The following ATP9B variants were observed in gnomAD, a reference collection of about 807,000 sequenced individuals.
The protein encoded by ATP9B is ATPase phospholipid transporting 9B.
ATP9B carries 110 observed loss-of-function variants against 146.1 expected under a neutral mutation model. The ratio of observed to expected loss-of-function variants is 0.75; its 90% CI spans 0.65 to 0.88. The LOEUF (loss-of-function observed/expected upper bound fraction) is 0.88. Ranked by LOEUF, ATP9B falls within the 40% of genes least tolerant of loss-of-function variation. The pLI, the probability that ATP9B is intolerant of heterozygous loss-of-function variation, is 0.00. For synonymous variants in ATP9B, 604 were observed against 569.7 expected (o/e 1.06, Z -0.86); for missense variants, 1,499 against 1,496.4 (o/e 1.00, Z -0.03).
At chr18:79,292,410 C>T (rs945994956) in intron 13 of ATP9B, among the ~76,000 whole-genome samples, 2 of 152,154 alleles carry the variant, frequency 1.3e-5, no homozygotes, top group African/African-American at 2.4e-5. Flanking sequence ...ATGCTAACAA[C>T]GAACCATCCA....
intron 10 of ATP9B, among the ~76,000 whole-genome samples, chr18:79,209,913 G>C (rs1472344602): frequency 1.3e-5 from 2 of 152,158 alleles, no homozygotes; most frequent in African/African-American, 4.8e-5. Flanking sequence ...AGGCACTCTT[G>C]TATTCTTTGT....
chr18:79,179,686 A>T lies in ATP9B; in HGVS notation c.873+2779A>T, dbSNP rs932440678. 4.6e-5 allele frequency among the ~76,000 whole-genome samples: 7 copies of T among 152,210 alleles called. No individual in the cohort carries two copies. In the South Asian group the frequency reaches 1.5e-3, roughly 32 times the overall value. ...GTTCTATTTCAGTCCTTTCATATGT[A>T]TTGAAACTTGTGATATGGCCCAGCA... On this transcript the variant is annotated intron_variant, in intron 8 of 29. Transcript: ENST00000426216.
chr18:79,100,030 C>T (rs1275171965), intron 2 of ATP9B, among the ~76,000 whole-genome samples: 1 of 152,040 alleles, frequency 6.6e-6, no homozygotes, highest in African/African-American at 2.4e-5. Context: ...GAGGCTGAGG[C>T]ACAGGAGAAT....
chr18:79,177,692 A>T (rs572828080), intron 8 of ATP9B, among the ~76,000 whole-genome samples: 124 of 95,592 alleles, frequency 1.3e-3, no homozygotes, highest in Admixed American at 3.3e-3. Flanking sequence ...TCTGTTTTTA[A>T]TTTTCACTTA....
At chr18:79,139,777 C>G (rs139493647) in intron 5 of ATP9B, among the ~76,000 whole-genome samples, 200 of 152,266 alleles carry the variant, frequency 1.3e-3, no homozygotes, top group African/African-American at 4.7e-3. Context: ...TTCATTCTTT[C>G]TATTTTTCAT....
chr18:79,352,937 G>A (rs570680055), intron 25 of ATP9B: 2 of 152,214 alleles, frequency 1.3e-5, no homozygotes, highest in East Asian at 3.8e-4. Flanking sequence ...TCAACTCAAC[G>A]ATCAGACAGA....
At chr18:79,197,174 G>A (rs189321435) in intron 9 of ATP9B, among the ~76,000 whole-genome samples, 64 of 152,232 alleles carry the variant, frequency 4.2e-4, no homozygotes, top group Non-Finnish European at 7.8e-4. Context: ...AACAAAATCA[G>A]TGAATGAAAC....
chr18:79,308,831 C>T (rs1231599356), intron 15 of ATP9B, among the ~76,000 whole-genome samples: 5 of 125,770 alleles, frequency 4.0e-5, no homozygotes, highest in South Asian at 2.9e-4. Context: ...AGGAGTGATC[C>T]CCAGCAGGTA....
At chr18:79,176,990 A>T in intron 8 of ATP9B, 83 bp downstream of exon 8, 1 of 1,091,164 alleles carries the variant, frequency 9.2e-7, no homozygotes, top group Non-Finnish European at 1.3e-6. Context: ...TATACCAGCT[A>T]ATTTATTTAA....
chr18:79,220,596 G>A (rs1168572954), intron 11 of ATP9B, among the ~76,000 whole-genome samples: 1 of 152,048 alleles, frequency 6.6e-6, no homozygotes, highest in Non-Finnish European at 1.5e-5. Context: ...GTGAGACCCT[G>A]TCTCATTAAG....
intron 11 of ATP9B, among the ~76,000 whole-genome samples, chr18:79,229,857 CTG>C (rs1453243079): frequency 6.6e-5 from 10 of 152,054 alleles, no homozygotes; most frequent in Admixed American, 5.9e-4. Flanking sequence ...TTTAAAGTAT[CTG>C]TGTTACTTGT....
At chr18:79,305,345 G>A (rs578048924) in intron 14 of ATP9B, among the ~76,000 whole-genome samples, 7 of 152,088 alleles carry the variant, frequency 4.6e-5, no homozygotes, top group African/African-American at 1.7e-4. Flanking sequence ...CTTTACTGTC[G>A]GCATGCTGTC....
Position 79,283,601 on chromosome 18 carries a change from A to G in ATP9B, c.1411+6405A>G, listed in dbSNP as rs765186724. On this transcript the variant is annotated intron_variant, in intron 13 of 29. Transcript: ENST00000426216. ...ATAATTAGGTTTGATTGGAGTGCAC[A>G]TTTCCGGTAAGATCTGAAATTAATG... Among the ~76,000 whole-genome samples, 92 of 152,354 alleles carry G rather than the reference A, an allele frequency of 6.0e-4. No individual in the cohort carries two copies. The Middle Eastern group carries it at 0.01, about 17-fold the overall frequency.
intron 10 of ATP9B, among the ~76,000 whole-genome samples, chr18:79,210,791 C>A (rs961804114): frequency 6.6e-6 from 1 of 152,142 alleles, no homozygotes; most frequent in African/African-American, 2.4e-5. Flanking sequence ...TGTGGCCCTG[C>A]CTGCTTTTGC....
At position 79,271,605 on chromosome 18, in the gene ATP9B, A is replaced by G. The variant is rs1490726741; in HGVS notation, c.1269-5449A>G. Among the ~76,000 whole-genome samples, 3 of 152,212 alleles carry G rather than the reference A, an allele frequency of 2.0e-5. No individual in the cohort carries two copies. In the East Asian group the frequency reaches 5.8e-4, roughly 29 times the overall value. Reference sequence around the variant, plus strand: ...ATGGCTGCATAGTATTCCATGGTGTATATGTGCCACATTTTCTTAATCCAG... The same window carrying G: ...ATGGCTGCATAGTATTCCATGGTGTGTATGTGCCACATTTTCTTAATCCAG... On this transcript the variant is annotated intron_variant, in intron 12 of 29. Coordinates refer to ENST00000426216, the MANE Select transcript of ATP9B (RefSeq NM_198531.5).
intron 11 of ATP9B, among the ~76,000 whole-genome samples, chr18:79,235,287 TAA>T (rs2095830809): frequency 1.3e-5 from 2 of 152,358 alleles, no homozygotes; most frequent in Non-Finnish European, 2.9e-5. Flanking sequence ...AATTCTCTTG[TAA>T]AATAACCTTC....
At chr18:79,072,705 C>T (rs1358977593) in intron 1 of ATP9B, among the ~76,000 whole-genome samples, 1 of 86,532 alleles carries the variant, frequency 1.2e-5, no homozygotes, top group Non-Finnish European at 2.5e-5. Flanking sequence ...GGGGGCGCCC[C>T]CCCACCTCCC....
chr18:79,375,097 C>T (rs939045597), intron 28 of ATP9B, among the ~76,000 whole-genome samples: 2 of 152,228 alleles, frequency 1.3e-5, no homozygotes, highest in South Asian at 4.1e-4. Flanking sequence ...CCCTCCAGCG[C>T]GTGCGCCTTC....
intron 7 of ATP9B, among the ~76,000 whole-genome samples, chr18:79,175,218 A>G (rs1246743656): frequency 6.6e-6 from 1 of 151,870 alleles, no homozygotes; most frequent in Non-Finnish European, 1.5e-5. Context: ...AAAAAAGAAA[A>G]AAAAAAACAT....
Sources: allele counts gnomAD v4.1 joint callset (sites outside exome capture counted in the v4.1 genomes callset), GRCh38; gene constraint gnomAD v4.1.1; transcripts MANE v1.5; gene names NCBI Gene and HGNC (gene_info 2026-07-23, HGNC 2026-07-21).